RTTN: variants seen among roughly 807,000 people sequenced by gnomAD.
RTTN encodes rotatin.
A neutral mutation model predicts 269.2 loss-of-function variants in RTTN; 182 were observed. The ratio of observed to expected loss-of-function variants is 0.68; its 90% CI spans 0.60 to 0.76. The LOEUF (loss-of-function observed/expected upper bound fraction) is 0.76. Ranked by LOEUF, RTTN falls within the 30% of genes least tolerant of loss-of-function variation. RTTN has a pLI of 0.00. For synonymous variants in RTTN, 1,006 were observed against 963.5 expected, an observed-to-expected ratio of 1.04 and a Z score of -0.82; for missense variants, 2,545 against 2,608.6, an observed-to-expected ratio of 0.98 and a Z score of 0.53.
intron 40 of RTTN, among the ~76,000 whole-genome samples, chr18:70,046,681 G>A (rs2057500182): frequency 6.6e-6 from 1 of 152,188 alleles, no homozygotes; most frequent in Admixed American, 6.5e-5. Flanking sequence ...AGTAGGTACA[G>A]GAAAGCTATG....
rs1430766206 is a variant in RTTN at position 70,116,805 on chromosome 18, T to C, written c.3529-2206A>G. On this transcript the variant is annotated intron_variant, in intron 26 of 48. Transcript: ENST00000640769. ...ACCCTCAATAATGTCTGAGTGCACA[T>C]TGAGCCCGTTACGGGAAAGCCAGCC... Among the ~76,000 whole-genome samples the C allele has an allele frequency of 4.6e-5, 7 of 152,146 alleles. No homozygotes were observed. The East Asian group carries it at 1.4e-3, about 29-fold the overall frequency.
At chr18:70,050,725 T>C (rs940607925) in intron 39 of RTTN, among the ~76,000 whole-genome samples, 1 of 152,192 alleles carries the variant, frequency 6.6e-6, no homozygotes, top group African/African-American at 2.4e-5. Flanking sequence ...ATATACACCA[T>C]GGAACATTAT....
In RTTN at chr18:70,054,104, A is replaced by G. The variant is rs115817045; in HGVS notation, c.5185+27T>C. ...TTTTTCCTCAGTATTATTCACTTAC[A>G]TTCTAAACTAAAACAATTAAGCTTA... On this transcript the variant is annotated intron_variant, in intron 38 of 48. Transcript: ENST00000640769. The G allele has an allele frequency of 6.9e-4, 1,096 of 1,584,176 alleles. 6 individuals carry two copies. The African/African-American group carries it at 0.013, about 18-fold the overall frequency.
At chr18:70,094,087 G>T (rs1474900572) in intron 28 of RTTN, among the ~76,000 whole-genome samples, 3 of 44,006 alleles carry the variant, frequency 6.8e-5, no homozygotes, top group African/African-American at 9.8e-5. Context: ...TTGCGTAGAG[G>T]TGTTTATAAC....
chr18:70,072,847 G>A (rs1253684172), intron 34 of RTTN, among the ~76,000 whole-genome samples: 1 of 151,966 alleles, frequency 6.6e-6, no homozygotes, highest in African/African-American at 2.4e-5. Flanking sequence ...TTGAGACAAA[G>A]GTACACACTA....
At chr18:70,188,702 A>G (rs1211850447) in intron 9 of RTTN, among the ~76,000 whole-genome samples, 1 of 152,232 alleles carries the variant, frequency 6.6e-6, no homozygotes, top group Non-Finnish European at 1.5e-5. Flanking sequence ...ATAAATGAAC[A>G]TGCTAACATT....
At chr18:70,089,062 A>AATAG (rs1251452314) in intron 30 of RTTN, among the ~76,000 whole-genome samples, 4 of 152,210 alleles carry the variant, frequency 2.6e-5, no homozygotes, top group Non-Finnish European at 5.9e-5. Context: ...TTCTGAAGGT[A>AATAG]ATAGATACTA....
chr18:70,038,412 G>C (rs571591549), intron 40 of RTTN, among the ~76,000 whole-genome samples: 1 of 152,308 alleles, frequency 6.6e-6, no homozygotes, highest in South Asian at 2.1e-4. Context: ...TCAGTATATA[G>C]AGAGAGACTC....
chr18:70,018,441 G>A (rs577139348), intron 45 of RTTN, among the ~76,000 whole-genome samples: 2 of 152,322 alleles, frequency 1.3e-5, no homozygotes, highest in East Asian at 1.9e-4. Context: ...GGACATTTTA[G>A]AAATGAAATG....
At position 70,131,250 on chromosome 18, in the gene RTTN, C is replaced by A. The variant is rs548901814; in HGVS notation, c.2955-2704G>T. 6 of 148,170 alleles carry A rather than the reference C, an allele frequency of 4.0e-5. No homozygotes were observed. In the South Asian group the frequency reaches 8.5e-4, roughly 21 times the overall value. 9.2% of individuals were successfully genotyped at this position (148,170 alleles called of 1,614,324 possible). A position where few individuals can be genotyped will look rare whatever the true frequency, so the allele number is the denominator to read the frequency against. On this transcript the variant is annotated intron_variant, in intron 23 of 48. Transcript: ENST00000640769. The stretch of plus-strand genomic sequence containing the variant: ...AAATTCTCAGATGGAGGCAGAAAAA[C>A]CAAAAAAGCAATAAAAAGTAACAGA...
At chr18:70,129,625 T>A (rs1426567651) in intron 23 of RTTN, 1 of 64,202 alleles carries the variant, frequency 1.6e-5, no homozygotes, top group Non-Finnish European at 3.5e-5. Context: ...GAAAATCAAA[T>A]CAAAATGAAT....
At chr18:70,042,370 T>TTC (rs1168417896) in intron 40 of RTTN, among the ~76,000 whole-genome samples, 12 of 125,826 alleles carry the variant, frequency 9.5e-5, no homozygotes, top group African/African-American at 3.4e-4. Flanking sequence ...AATTTTCTTT[T>TTC]TTTTTTTTTT....
rs1568295126 is a variant in RTTN at position 70,048,049 on chromosome 18, A to C, written c.5463T>G (p.Ser1821Arg). 1.6e-5 allele frequency: 26 copies of C among 1,614,170 alleles called. No individual in the cohort carries two copies. The highest frequency in any genetic ancestry group is 2.2e-5 in the Non-Finnish European group (26 of 1,179,988). The change falls in exon 40 of 49, where the codon AGT becomes AGG. Residue 1821 changes from serine (S) to arginine (R), a missense_variant. Physicochemically the swap from Ser to Arg is moderately radical, Grantham distance 110. Transcript: ENST00000640769. Reference protein sequence around the residue: ...QAKSKTHLCCSPTVASLLDDS... With the variant: ...QAKSKTHLCCRPTVASLLDDS... Reference sequence around the variant, plus strand: ...CATCAAGAAGTGAAGCCACTGTTGGACTACAGCATAAATGTGTTTTGCTCT... The same window carrying C: ...CATCAAGAAGTGAAGCCACTGTTGGCCTACAGCATAAATGTGTTTTGCTCT...
At chr18:70,057,423 G>A (rs1280094766) in intron 37 of RTTN, among the ~76,000 whole-genome samples, 1 of 152,142 alleles carries the variant, frequency 6.6e-6, no homozygotes, top group Non-Finnish European at 1.5e-5. Flanking sequence ...AATCACAGAA[G>A]CAGGAAGTGA....
intron 40 of RTTN, among the ~76,000 whole-genome samples, chr18:70,045,041 G>A (rs1487507508): frequency 6.6e-6 from 1 of 152,122 alleles, no homozygotes; most frequent in Admixed American, 6.5e-5. Context: ...GTATTTTATG[G>A]ACAAAAGACA....
At chr18:70,154,194 C>A (rs1341598519) in intron 14 of RTTN, among the ~76,000 whole-genome samples, 5 of 151,900 alleles carry the variant, frequency 3.3e-5, no homozygotes, top group Non-Finnish European at 7.4e-5. Context: ...GAAACTGACA[C>A]ATACATATTT....
At chr18:70,134,185 CAA>C (rs1176529730) in intron 23 of RTTN, among the ~76,000 whole-genome samples, 2 of 151,822 alleles carry the variant, frequency 1.3e-5, no homozygotes, top group Admixed American at 1.3e-4. Flanking sequence ...AGAGAGAAAG[CAA>C]AGAGACTCAT....
chr18:70,005,110 C>A, intron 48 of RTTN, 88 bp downstream of exon 48: 1 of 842,912 alleles, frequency 1.2e-6, no homozygotes, highest in Non-Finnish European at 1.9e-6. Flanking sequence ...TGCCATTTTG[C>A]TGTGGCCTGT....
At chr18:70,106,870 A>G (rs780053970) in intron 28 of RTTN, among the ~76,000 whole-genome samples, 6 of 152,160 alleles carry the variant, frequency 3.9e-5, no homozygotes, top group Non-Finnish European at 7.4e-5. Context: ...ATCACTATCA[A>G]TTTACTTATC....
Sources: allele counts gnomAD v4.1 joint callset (sites outside exome capture counted in the v4.1 genomes callset), GRCh38; gene constraint gnomAD v4.1.1; transcripts MANE v1.5; gene names NCBI Gene and HGNC (gene_info 2026-07-23, HGNC 2026-07-21).